PCDH15: variants seen among roughly 807,000 people sequenced by gnomAD.
The protein encoded by PCDH15 is protocadherin related 15.
In PCDH15, 129 loss-of-function variants were observed where a neutral mutation model predicts 178.5. That is an observed-to-expected ratio of 0.72 (90% confidence interval 0.63 to 0.84). The LOEUF (loss-of-function observed/expected upper bound fraction) is 0.84. Among genes scored for constraint, PCDH15 ranks in the 40% least tolerant of loss-of-function variants. The pLI is 0.00. For missense variants in PCDH15, 2,230 were observed against 2,099.9 expected, an observed-to-expected ratio of 1.06 and a Z score of -1.21; for synonymous variants, 800 against 732.0, an observed-to-expected ratio of 1.09 and a Z score of -1.50.
intron 3 of PCDH15, among the ~76,000 whole-genome samples, chr10:54,488,353 C>T (rs887046265): frequency 1.1e-4 from 16 of 151,716 alleles, no homozygotes; most frequent in African/African-American, 3.9e-4. Flanking sequence ...GTAATTTTGA[C>T]ATACATTCCT....
At position 53,894,919 on chromosome 10, in the gene PCDH15, T is replaced by C. The variant is rs190758438; in HGVS notation, c.3501+8324A>G. On this transcript the variant is annotated intron_variant, in intron 26 of 37. Transcript: ENST00000644397. ...GAATGTCAGTCCAGTGCTCTTCCAC[T>C]GGAAACGTGGTTGAGCTTGGTCTCG... Among the ~76,000 whole-genome samples the C allele has an allele frequency of 4.7e-3, 723 of 152,272 alleles. 7 individuals are homozygous for C. Among genetic ancestry groups the C allele is most frequent in the African/African-American group, 0.017 (689 of 41,556 alleles).
intron 25 of PCDH15, among the ~76,000 whole-genome samples, chr10:53,915,735 T>C (rs1330037863): frequency 6.6e-6 from 1 of 152,144 alleles, no homozygotes; most frequent in African/African-American, 2.4e-5. Context: ...AATTTTTGTA[T>C]TTTTAGTAGA....
At chr10:55,012,603 T>C (rs1261287308) in intron 2 of PCDH15, among the ~76,000 whole-genome samples, 1 of 152,154 alleles carries the variant, frequency 6.6e-6, no homozygotes, top group Admixed American at 6.5e-5. Flanking sequence ...TGGTGCTTTA[T>C]AAAATTGTCA....
At chr10:54,476,731 A>G (rs1314786143) in intron 3 of PCDH15, among the ~76,000 whole-genome samples, 1 of 152,122 alleles carries the variant, frequency 6.6e-6, no homozygotes, top group Non-Finnish European at 1.5e-5. Context: ...TCAGACTTCT[A>G]GAAACCTTTT....
intron 2 of PCDH15, among the ~76,000 whole-genome samples, chr10:55,544,176 T>A (rs983437743): frequency 6.6e-5 from 6 of 90,876 alleles, no homozygotes; most frequent in African/African-American, 1.8e-4. Flanking sequence ...ATATATATAT[T>A]ATACTGACAG....
chr10:55,102,755 G>C (rs1193643254), intron 2 of PCDH15, among the ~76,000 whole-genome samples: 1 of 151,934 alleles, frequency 6.6e-6, no homozygotes, highest in East Asian at 1.9e-4. Context: ...ACTATTAATA[G>C]CTTATTACTG....
At chr10:55,387,828 T>C (rs958253308) in intron 2 of PCDH15, among the ~76,000 whole-genome samples, 1 of 152,074 alleles carries the variant, frequency 6.6e-6, no homozygotes, top group Non-Finnish European at 1.5e-5. Flanking sequence ...TATAACTTCA[T>C]AGAACACACC....
chr10:54,845,647 G>C (rs1248285450), intron 3 of PCDH15, among the ~76,000 whole-genome samples: 1 of 151,946 alleles, frequency 6.6e-6, no homozygotes, highest in Non-Finnish European at 1.5e-5. Flanking sequence ...ATGCTTCCCA[G>C]GATAAAATTT....
rs181793287 is a variant in PCDH15, at chr10:54,893,276, A to G, written c.-29+4174T>C. ...ATGATAATTAATACCCAGATTTAAAAAAATATGAAATATGTATTATAATGC... is the reference window on the plus strand; with the variant it reads ...ATGATAATTAATACCCAGATTTAAAGAAATATGAAATATGTATTATAATGC... On this transcript the variant is annotated intron_variant, in intron 3 of 5. Transcript: ENST00000458638. Among the ~76,000 whole-genome samples, 574 of 152,290 alleles carry G rather than the reference A, an allele frequency of 3.8e-3. 2 individuals carry two copies. The highest frequency in any genetic ancestry group is 0.014 in the East Asian group (74 of 5,188).
At chr10:54,348,696 G>A (rs984510828) in intron 5 of PCDH15, among the ~76,000 whole-genome samples, 1 of 152,020 alleles carries the variant, frequency 6.6e-6, no homozygotes, top group Non-Finnish European at 1.5e-5. Context: ...CTTTTTTGTG[G>A]TGAGAGCACT....
At chr10:55,258,367 G>A (rs1394104200) in intron 1 of PCDH15, among the ~76,000 whole-genome samples, 1 of 152,144 alleles carries the variant, frequency 6.6e-6, no homozygotes, top group Non-Finnish European at 1.5e-5. Context: ...ATGGGAAGGA[G>A]GTGCAAGACA....
chr10:55,162,364 C>T (rs1455353453), intron 2 of PCDH15, among the ~76,000 whole-genome samples: 1 of 152,064 alleles, frequency 6.6e-6, no homozygotes, highest in Non-Finnish European at 1.5e-5. Flanking sequence ...GGTACTAAAA[C>T]AAAATGTATT....
chr10:54,225,162 G>A (rs972563412), intron 9 of PCDH15, among the ~76,000 whole-genome samples: 10 of 152,148 alleles, frequency 6.6e-5, no homozygotes, highest in Admixed American at 3.9e-4. Flanking sequence ...TAGAAAGACC[G>A]AGTTCTTGTC....
At chr10:54,310,225 T>G (rs956532582) in intron 8 of PCDH15, among the ~76,000 whole-genome samples, 1 of 152,070 alleles carries the variant, frequency 6.6e-6, no homozygotes, top group African/African-American at 2.4e-5. Context: ...TGGTGTATGA[T>G]GGAAAACACT....
chr10:54,244,675 C>A (rs2055744380), intron 8 of PCDH15, among the ~76,000 whole-genome samples: 1 of 152,170 alleles, frequency 6.6e-6, no homozygotes, highest in Non-Finnish European at 1.5e-5. Context: ...ACATTCTTAT[C>A]CATTTCTATA....
At chr10:55,311,474 C>T (rs1001424232) in intron 1 of PCDH15, among the ~76,000 whole-genome samples, 1 of 152,180 alleles carries the variant, frequency 6.6e-6, no homozygotes, top group East Asian at 1.9e-4. Flanking sequence ...TATCACAGTG[C>T]CTGGCATATA....
At chr10:53,964,358 T>A (rs1306214051) in intron 21 of PCDH15, among the ~76,000 whole-genome samples, 2 of 82,706 alleles carry the variant, frequency 2.4e-5, no homozygotes, top group East Asian at 4.4e-4. Flanking sequence ...GAATAAATAA[T>A]TTTTTATTTA....
intron 2 of PCDH15, among the ~76,000 whole-genome samples, chr10:55,324,910 A>G (rs1281432035): frequency 6.6e-6 from 1 of 152,146 alleles, no homozygotes; most frequent in Non-Finnish European, 1.5e-5. Flanking sequence ...AATTAGCAGC[A>G]TTTCTATACA....
intron 1 of PCDH15, among the ~76,000 whole-genome samples, chr10:54,675,290 T>G (rs2135555584): frequency 6.6e-6 from 1 of 152,130 alleles, no homozygotes; most frequent in Non-Finnish European, 1.5e-5. Flanking sequence ...AATAAGTTGT[T>G]ATATGTCCCT....
Sources: gnomAD v4.1 joint callset for allele counts (sites outside exome capture counted in the v4.1 genomes callset) on GRCh38, gnomAD v4.1.1 for gene constraint, MANE v1.5 for transcripts, NCBI Gene and HGNC (gene_info 2026-07-23, HGNC 2026-07-21) for gene names.